XDH: variants seen among roughly 807,000 people sequenced by gnomAD.
XDH encodes the protein xanthine dehydrogenase/oxidase.
A neutral mutation model predicts 156.1 loss-of-function variants in XDH; 138 were observed. That is an observed-to-expected ratio of 0.88 (90% CI 0.77 to 1.02). The LOEUF (loss-of-function observed/expected upper bound fraction) is 1.02. XDH is among the 50% of genes least tolerant of loss of function. The pLI, the probability that XDH is intolerant of heterozygous loss-of-function variation, is 0.00. For missense variants in XDH, 1,849 were observed against 1,684.9 expected, an observed-to-expected ratio of 1.10 and a Z score of -1.71; for synonymous variants, 669 against 625.7, an observed-to-expected ratio of 1.07 and a Z score of -1.03.
chr2:31,404,929 T>A (rs1468264894), intron 2 of XDH, among the ~76,000 whole-genome samples: 1 of 152,154 alleles, frequency 6.6e-6, no homozygotes, highest in African/African-American at 2.4e-5. Flanking sequence ...TGTCCCCAAA[T>A]ATGTCACTGG....
At chr2:31,369,599 T>C (rs1262258072) in intron 18 of XDH, among the ~76,000 whole-genome samples, 1 of 152,188 alleles carries the variant, frequency 6.6e-6, no homozygotes, top group Non-Finnish European at 1.5e-5. Flanking sequence ...TGGCTGTTGG[T>C]TATTGCAATG....
intron 7 of XDH, 83 bp from the exon 8 acceptor site, chr2:31,387,980 G>C: frequency 6.9e-7 from 1 of 1,445,816 alleles, no homozygotes; most frequent in Non-Finnish European, 9.4e-7. Flanking sequence ...TTTCCTTCCA[G>C]CAAGCTCATT....
chr2:31,410,266 T>C (rs1040812845), intron 1 of XDH, among the ~76,000 whole-genome samples: 1 of 152,184 alleles, frequency 6.6e-6, no homozygotes, highest in Non-Finnish European at 1.5e-5. Context: ...AGAGTTTGTC[T>C]TAAAAGATGA....
intron 34 of XDH, among the ~76,000 whole-genome samples, chr2:31,338,737 T>TC (rs1388004608): frequency 7.0e-6 from 1 of 142,824 alleles, no homozygotes; most frequent in Non-Finnish European, 1.5e-5. Flanking sequence ...TTTTTTTTTT[T>TC]TTTTGAGACA....
chr2:31,390,579 AC>A (rs751985856), intron 6 of XDH, among the ~76,000 whole-genome samples: 30 of 152,190 alleles, frequency 2.0e-4, no homozygotes, highest in Non-Finnish European at 3.4e-4. Context: ...TTTGTAAGAA[AC>A]TGCCAAATTG....
intron 35 of XDH, among the ~76,000 whole-genome samples, chr2:31,336,961 C>T (rs947545948): frequency 6.7e-5 from 10 of 150,140 alleles, no homozygotes; most frequent in African/African-American, 2.2e-4. Context: ...ATCCCCAAAG[C>T]GGAAGCAACC....
At chr2:31,336,856 C>T (rs922921452) in intron 35 of XDH, among the ~76,000 whole-genome samples, 1 of 11,064 alleles carries the variant, frequency 9.0e-5, no homozygotes. Flanking sequence ...AGAACCCAGT[C>T]CTGCTAACTC....
intron 34 of XDH, among the ~76,000 whole-genome samples, chr2:31,338,903 T>A (rs1220203678): frequency 2.0e-5 from 3 of 151,678 alleles, no homozygotes; most frequent in African/African-American, 7.3e-5. Context: ...TTTTTTATTT[T>A]TAGTAGAGAT....
chr2:31,403,303 G>C (rs1687111286), intron 2 of XDH, among the ~76,000 whole-genome samples, 159 bp from the exon 3 acceptor site: 1 of 152,206 alleles, frequency 6.6e-6, no homozygotes. Flanking sequence ...TCCTTATTCA[G>C]AGGGGCTGCA....
At chr2:31,414,573 T>G (rs1422353692) in intron 1 of XDH, 52 bp downstream of exon 1, 4 of 1,611,628 alleles carry the variant, frequency 2.5e-6, no homozygotes, top group Non-Finnish European at 3.4e-6. Flanking sequence ...AGAGGACACA[T>G]TTCCCCTCCC....
intron 1 of XDH, among the ~76,000 whole-genome samples, chr2:31,410,726 AT>A (rs1687319350): frequency 6.6e-6 from 1 of 152,186 alleles, no homozygotes; most frequent in African/African-American, 2.4e-5. Flanking sequence ...ATACAATTCA[AT>A]GTGAGGAACA....
Position 31,414,689 on chromosome 2 carries a change from A to G in XDH, c.-23T>C. 1 of 1,614,078 alleles carries G rather than the reference A, an allele frequency of 6.2e-7. No homozygotes were observed. Among genetic ancestry groups the G allele is most frequent in the Non-Finnish European group, 8.5e-7 (1 of 1,179,978 alleles). On this transcript the variant is annotated 5_prime_UTR_variant, in exon 1 of 36. Coordinates refer to ENST00000379416, the MANE Select transcript of XDH (RefSeq NM_000379.4). ...CATTGTCACAGGTTGGGGTCCCCGA[A>G]CTCCAGGTACCTCACTCCTAAGAGA... is the stretch of plus-strand genomic sequence containing the variant.
At chr2:31,388,012 A>G (rs1686659626) in intron 7 of XDH, 115 bp from the exon 8 acceptor site, 1 of 1,267,036 alleles carries the variant, frequency 7.9e-7, no homozygotes, top group African/African-American at 1.5e-5. Context: ...GCAGGCTGCA[A>G]GAGGAGCAGG....
At position 31,388,256 on chromosome 2, in the gene XDH, A is replaced by C; in HGVS notation, c.535T>G (p.Cys179Gly). 1 of 1,614,236 alleles carries C rather than the reference A, an allele frequency of 6.2e-7. No individual in the cohort carries two copies. Among genetic ancestry groups the C allele is most frequent in the Non-Finnish European group, 8.5e-7 (1 of 1,180,044 alleles). ...CCGGDGNNPN[C>G]CMNQKKDHSV... ...TGGTCTTTCTTCTGGTTCATGCAGC[A>C]ATTTGGATTATTCCCATCTCCTCCA... The change falls in exon 7 of 36, where the codon TGC becomes GGC. Residue 179 changes from cysteine (C) to glycine (G), a missense_variant. Coordinates refer to ENST00000379416, the MANE Select transcript of XDH (RefSeq NM_000379.4).
At position 31,378,063 on chromosome 2, in the gene XDH, AAAGAAAG is replaced by A. The variant is rs1686299961; in HGVS notation, c.1243-833_1243-827del. Among the ~76,000 whole-genome samples the A allele has an allele frequency of 2.3e-4, 5 of 21,692 alleles. No individual in the cohort carries two copies. The South Asian group carries it at 0.011, about 47-fold the overall frequency. The allele number at this position is 21,692 out of a possible 152,430, so 14.2% of individuals were successfully genotyped here. A position where few individuals can be genotyped will look rare whatever the true frequency, so the allele number is the denominator to read the frequency against. On this transcript the variant is annotated intron_variant, in intron 13 of 35. Transcript: ENST00000379416. ...AAGAAAGAGAAAGAAAGGAAGAAAGAAAGAAAGAAAGAAAGAAAGAAAGAAAGAAAGA... is the reference window on the plus strand; with the variant it reads ...AAGAAAGAGAAAGAAAGGAAGAAAGAAAAGAAAGAAAGAAAGAAAGAAAGA...
rs1361670066 is a variant in XDH at position 31,379,982 on chromosome 2, CA to C, written c.1133-7del. The C allele has an allele frequency of 6.2e-7, 1 of 1,613,590 alleles. No homozygotes were observed. Among genetic ancestry groups the C allele is most frequent in the Non-Finnish European group, 8.5e-7 (1 of 1,179,914 alleles). ...CTGGACAGTTCTCCTGGTGCCTGTA[CA>C]GAAGCAAGATGAAGAGGAGCCAAAG... is the stretch of plus-strand genomic sequence containing the variant. On this transcript the variant is annotated splice_region_variant and splice_polypyrimidine_tract_variant and intron_variant, in intron 12 of 35. Transcript: ENST00000379416.
chr2:31,356,890 A>G (rs912317800), intron 24 of XDH, among the ~76,000 whole-genome samples: 1 of 152,204 alleles, frequency 6.6e-6, no homozygotes, highest in Non-Finnish European at 1.5e-5. Context: ...TTCTTCAACT[A>G]AAACGGAATG....
intron 34 of XDH, among the ~76,000 whole-genome samples, chr2:31,338,182 GGAA>G (rs895466539): frequency 6.6e-6 from 1 of 152,116 alleles, no homozygotes; most frequent in African/African-American, 2.4e-5. Flanking sequence ...CTAGCCGAGG[GGAA>G]GAGTCTACCT....
In XDH at chr2:31,381,661, A is replaced by G. The variant is rs764037871; in HGVS notation, c.1104T>C (p.Ser368=). The G allele has an allele frequency of 6.2e-7, 1 of 1,614,084 alleles. No individual in the cohort carries two copies. Among genetic ancestry groups the G allele is most frequent in the African/African-American group, 1.3e-5 (1 of 75,040 alleles). ...TGGACACAAGTGTCAGCTTGGCCCC[A>G]CTGGCCATGAACACGGGGTTGAGGT... The part of the protein sequence containing the change: ...ISDLNPVFMA[S]GAKLTLVSRG... Residue 368 remains serine, a synonymous_variant, in exon 12 of 36, where the codon AGT becomes AGC. Transcript: ENST00000379416.
Sources: gnomAD v4.1 joint callset for allele counts (sites outside exome capture counted in the v4.1 genomes callset) on GRCh38, gnomAD v4.1.1 for gene constraint, MANE v1.5 for transcripts, NCBI Gene and HGNC (gene_info 2026-07-23, HGNC 2026-07-21) for gene names.